The following PHACTR1 variants were observed in gnomAD, a reference collection of about 807,000 sequenced individuals.
PHACTR1 encodes the protein RPEL repeat containing 1.
Under a neutral mutation model 69.2 loss-of-function variants are expected in PHACTR1, and 16 were observed. The observed-to-expected ratio is 0.23, with a 90% confidence interval of 0.16 to 0.35. PHACTR1 has a LOEUF of 0.35. Ranked by LOEUF, PHACTR1 falls within the 10% of genes least tolerant of loss-of-function variation. The probability of loss-of-function intolerance (pLI) is 1.00; values close to 1 mark genes in which losing one functional copy is unlikely to be tolerated. For synonymous variants in PHACTR1, 312 were observed against 284.5 expected, an observed-to-expected ratio of 1.10 and a Z score of -0.97; for missense variants, 510 against 734.7, an observed-to-expected ratio of 0.69 and a Z score of 3.54.
intron 4 of PHACTR1, among the ~76,000 whole-genome samples, chr6:12,762,794 G>C (rs1344986838): frequency 6.6e-6 from 1 of 152,106 alleles, no homozygotes; most frequent in African/African-American, 2.4e-5. Flanking sequence ...ATATATGTTT[G>C]CATCTATATA....
At chr6:12,978,478 C>T (rs1795143676) in intron 4 of PHACTR1, among the ~76,000 whole-genome samples, 1 of 152,178 alleles carries the variant, frequency 6.6e-6, no homozygotes, top group Non-Finnish European at 1.5e-5. Context: ...GCTCTGCCTC[C>T]TCAGCACTCT....
At chr6:12,885,405 A>T (rs1188661290) in intron 4 of PHACTR1, among the ~76,000 whole-genome samples, 3 of 152,210 alleles carry the variant, frequency 2.0e-5, no homozygotes, top group Non-Finnish European at 4.4e-5. Context: ...CTTAAAGGGA[A>T]ATGCCTGCCT....
chr6:13,072,082 C>A (rs943643265), intron 5 of PHACTR1, among the ~76,000 whole-genome samples: 1 of 152,184 alleles, frequency 6.6e-6, no homozygotes, highest in African/African-American at 2.4e-5. Context: ...TCTGTTGTTA[C>A]AACAAGGATG....
intron 4 of PHACTR1, among the ~76,000 whole-genome samples, chr6:12,963,455 A>T (rs1010541507): frequency 3.3e-5 from 3 of 91,548 alleles, no homozygotes; most frequent in African/African-American, 7.0e-5. Context: ...GATTTTCTTT[A>T]AAAAAAAAAA....
At chr6:12,801,401 T>C (rs972315530) in intron 4 of PHACTR1, among the ~76,000 whole-genome samples, 5 of 152,172 alleles carry the variant, frequency 3.3e-5, no homozygotes, top group African/African-American at 4.8e-5. Flanking sequence ...TACCCAACTA[T>C]GTATGGCTTG....
At chr6:12,757,466 T>C (rs145970336) in intron 4 of PHACTR1, among the ~76,000 whole-genome samples, 2 of 152,172 alleles carry the variant, frequency 1.3e-5, no homozygotes, top group Admixed American at 6.5e-5. Flanking sequence ...GTCTGACAGA[T>C]TTTTTAAAGG....
intron 4 of PHACTR1, among the ~76,000 whole-genome samples, chr6:12,764,177 T>C (rs776947980): frequency 1.3e-5 from 2 of 152,192 alleles, no homozygotes; most frequent in Non-Finnish European, 2.9e-5. Flanking sequence ...CATTCAGAAC[T>C]AGAAGGAAAT....
chr6:12,748,371 C>T (rs923129093), intron 3 of PHACTR1, among the ~76,000 whole-genome samples: 7 of 152,176 alleles, frequency 4.6e-5, no homozygotes, highest in Non-Finnish European at 1.0e-4. Context: ...ATCAGCACTT[C>T]CCCTGAGTCC....
chr6:12,826,247 C>T (rs9349344), intron 4 of PHACTR1, among the ~76,000 whole-genome samples: 73,046 of 151,870 alleles, frequency 0.48, 20,109 homozygotes, highest in East Asian at 0.81. Flanking sequence ...TATATACTCC[C>T]CAAAAAGATA....
intron 3 of PHACTR1, among the ~76,000 whole-genome samples, chr6:12,739,577 T>C (rs891569499): frequency 6.6e-6 from 1 of 152,138 alleles, no homozygotes; most frequent in African/African-American, 2.4e-5. Flanking sequence ...TCTCACTCTG[T>C]TGCCCAGGCT....
At chr6:12,891,039 A>G (rs887023269) in intron 4 of PHACTR1, among the ~76,000 whole-genome samples, 2 of 152,226 alleles carry the variant, frequency 1.3e-5, no homozygotes, top group Non-Finnish European at 2.9e-5. Context: ...TCCTTGAAAT[A>G]TAAACTTGTA....
intron 4 of PHACTR1, among the ~76,000 whole-genome samples, chr6:13,021,089 C>T (rs145820410): frequency 4.1e-4 from 62 of 152,306 alleles, no homozygotes; most frequent in Middle Eastern, 6.8e-3. Flanking sequence ...TGTCATCCAT[C>T]ACCACAATCA....
At chr6:12,948,224 G>A in intron 4 of PHACTR1, among the ~76,000 whole-genome samples, 1 of 152,214 alleles carries the variant, frequency 6.6e-6, no homozygotes, top group African/African-American at 2.4e-5. Flanking sequence ...ATGGCTGGGT[G>A]TTGGTAAGCT....
intron 4 of PHACTR1, among the ~76,000 whole-genome samples, chr6:13,019,913 T>A (rs1420386188): frequency 6.6e-6 from 1 of 152,162 alleles, no homozygotes; most frequent in African/African-American, 2.4e-5. Flanking sequence ...TAGAAGTGTC[T>A]AAAAGCCTGA....
intron 4 of PHACTR1, among the ~76,000 whole-genome samples, chr6:12,839,781 T>G (rs530156590): frequency 6.6e-6 from 1 of 152,308 alleles, no homozygotes; most frequent in Non-Finnish European, 1.5e-5. Flanking sequence ...TATGGCATGC[T>G]GATGCTGAGT....
At position 13,148,741 on chromosome 6, in the gene PHACTR1, C is replaced by T. The variant is rs569696568; in HGVS notation, c.416-11463C>T. ...GAAAGTATGCTATCTGAATTATTTT[C>T]AGAAGACAAGCCTAATAGAAATGAA... is the stretch of plus-strand genomic sequence containing the variant. On this transcript the variant is annotated intron_variant, in intron 5 of 14. Transcript: ENST00000332995. Among the ~76,000 whole-genome samples the T allele has an allele frequency of 3.3e-5, 5 of 152,302 alleles. No homozygotes were observed. The South Asian group carries it at 8.3e-4, about 25-fold the overall frequency.
chr6:13,246,566 A>G lies in PHACTR1; in HGVS notation c.1391+16373A>G, dbSNP rs1773610391. On this transcript the variant is annotated intron_variant, in intron 10 of 14. Transcript: ENST00000332995. The surrounding 1 kb of genome is among the most constrained non-coding windows in gnomAD (Gnocchi z 4.2). The stretch of plus-strand genomic sequence containing the variant: ...ATGATAAGTGAAACTCTAATCATGT[A>G]TACTTATTAAGAATTATCTGTTCTT... 6.6e-6 allele frequency among the ~76,000 whole-genome samples: 1 copy of G among 152,220 alleles called. No homozygotes were observed. Among genetic ancestry groups the G allele is most frequent in the African/African-American group, 2.4e-5 (1 of 41,458 alleles).
intron 4 of PHACTR1, among the ~76,000 whole-genome samples, chr6:12,886,158 C>G (rs1783616052): frequency 6.6e-6 from 1 of 152,072 alleles, no homozygotes; most frequent in African/African-American, 2.4e-5. Context: ...TCATAACTGA[C>G]TCTACCTTTA....
chr6:12,958,544 G>C (rs939957487), intron 4 of PHACTR1, among the ~76,000 whole-genome samples: 4 of 152,230 alleles, frequency 2.6e-5, no homozygotes, highest in African/African-American at 9.7e-5. Flanking sequence ...TTTGAGGCTT[G>C]CTGCGTGGAG....
Sources: gnomAD v4.1 joint callset for allele counts (sites outside exome capture counted in the v4.1 genomes callset) on GRCh38, gnomAD v4.1.1 for gene constraint, Gnocchi (gnomAD v3.1) non-coding constraint, MANE v1.5 for transcripts, NCBI Gene and HGNC (gene_info 2026-07-23, HGNC 2026-07-21) for gene names.